CTNND2: variants seen among roughly 807,000 people sequenced by gnomAD.
CTNND2 encodes the protein catenin delta-2.
In CTNND2, 22 loss-of-function variants were observed where a neutral mutation model predicts 144.4. That is an observed-to-expected ratio of 0.15 (90% confidence interval 0.11 to 0.22). The LOEUF is 0.22. Among genes scored for constraint, CTNND2 ranks in the 10% least tolerant of loss-of-function variants. The pLI is 1.00. For synonymous variants in CTNND2, 751 were observed against 695.6 expected, an observed-to-expected ratio of 1.08 and a Z score of -1.25; for missense variants, 1,353 against 1,618.8, an observed-to-expected ratio of 0.84 and a Z score of 2.82.
At chr5:11,395,933 G>C (rs1472093067) in intron 6 of CTNND2, among the ~76,000 whole-genome samples, 1 of 152,192 alleles carries the variant, frequency 6.6e-6, no homozygotes, top group Non-Finnish European at 1.5e-5. Context: ...TGGCCTGCCA[G>C]GTGCTCCTGA....
intron 2 of CTNND2, among the ~76,000 whole-genome samples, chr5:11,608,447 C>A (rs576081719): frequency 7.2e-5 from 11 of 152,270 alleles, no homozygotes; most frequent in Admixed American, 4.6e-4. Flanking sequence ...CCACTCTCCA[C>A]CTTTCCTCTC....
At chr5:11,755,620 TAGG>T (rs1046073902) in intron 1 of CTNND2, among the ~76,000 whole-genome samples, 3 of 142,542 alleles carry the variant, frequency 2.1e-5, no homozygotes, top group Non-Finnish European at 4.6e-5. Flanking sequence ...CCCATATTTC[TAGG>T]AGTTTTTGTT....
chr5:11,036,156 G>A (rs17180017), intron 16 of CTNND2, among the ~76,000 whole-genome samples: 38,047 of 151,624 alleles, frequency 0.25, 5,292 homozygotes, highest in Admixed American at 0.37. Context: ...TGTTACTCTC[G>A]AGTCACTTTT....
At chr5:11,557,031 T>C (rs1431460939) in intron 3 of CTNND2, among the ~76,000 whole-genome samples, 1 of 152,154 alleles carries the variant, frequency 6.6e-6, no homozygotes, top group Non-Finnish European at 1.5e-5. Context: ...AATGCATGCA[T>C]ATATGCCTGA....
chr5:11,394,377 C>G (rs758751563), intron 6 of CTNND2, among the ~76,000 whole-genome samples: 1 of 152,094 alleles, frequency 6.6e-6, no homozygotes, highest in Admixed American at 6.5e-5. Context: ...CCTAGACACA[C>G]AAAGGTGAAG....
At chr5:11,084,268 T>C (rs1749902712) in intron 15 of CTNND2, among the ~76,000 whole-genome samples, 1 of 152,150 alleles carries the variant, frequency 6.6e-6, no homozygotes. Flanking sequence ...GGAACTGATA[T>C]CCCCTCCCAG....
intron 9 of CTNND2, among the ~76,000 whole-genome samples, chr5:11,339,724 G>A (rs1343831514): frequency 6.6e-6 from 1 of 152,144 alleles, no homozygotes; most frequent in African/African-American, 2.4e-5. Context: ...CCTTTTAAAA[G>A]AGACCCCACT....
intron 15 of CTNND2, among the ~76,000 whole-genome samples, chr5:11,087,115 A>C (rs1750239883): frequency 6.6e-6 from 1 of 152,218 alleles, no homozygotes. Context: ...AATTAGCCAT[A>C]TCCTCAGTTT....
chr5:11,530,249 C>T (rs1773621848), intron 3 of CTNND2, among the ~76,000 whole-genome samples: 1 of 151,964 alleles, frequency 6.6e-6, no homozygotes, highest in South Asian at 2.1e-4. Flanking sequence ...CAAAAGCTCC[C>T]TTTAGTAAAT....
chr5:11,350,780 A>G (rs537662046), intron 8 of CTNND2, among the ~76,000 whole-genome samples: 2 of 152,376 alleles, frequency 1.3e-5, no homozygotes, highest in East Asian at 1.9e-4. Context: ...AATGTATGAG[A>G]ATCTAATGGA....
intron 3 of CTNND2, among the ~76,000 whole-genome samples, chr5:11,418,795 A>T (rs1375833318): frequency 1.3e-5 from 2 of 152,256 alleles, no homozygotes; most frequent in African/African-American, 4.8e-5. Context: ...CCTCATATGA[A>T]CACTTATGGA....
chr5:11,746,559 G>A (rs190804632), intron 1 of CTNND2, among the ~76,000 whole-genome samples: 2 of 152,050 alleles, frequency 1.3e-5, no homozygotes, highest in East Asian at 1.9e-4. Flanking sequence ...TAAGCCATTC[G>A]GGATAAATTT....
chr5:11,720,373 A>G (rs1294803782), intron 2 of CTNND2, among the ~76,000 whole-genome samples: 1 of 152,186 alleles, frequency 6.6e-6, no homozygotes, highest in East Asian at 1.9e-4. Context: ...AAAGTTCCTC[A>G]AGTTTGTAAC....
At chr5:11,810,732 T>C (rs1055489025) in intron 1 of CTNND2, among the ~76,000 whole-genome samples, 1 of 152,172 alleles carries the variant, frequency 6.6e-6, no homozygotes, top group African/African-American at 2.4e-5. Flanking sequence ...TATACAGGTA[T>C]GCTATTGATT....
intron 16 of CTNND2, among the ~76,000 whole-genome samples, chr5:11,081,095 C>T (rs1749518612): frequency 6.6e-6 from 1 of 151,644 alleles, no homozygotes; most frequent in South Asian, 2.1e-4. Context: ...CACACACACA[C>T]ACACACACAC....
intron 16 of CTNND2, among the ~76,000 whole-genome samples, chr5:11,081,459 G>C (rs1468789448): frequency 6.6e-6 from 1 of 152,108 alleles, no homozygotes; most frequent in Non-Finnish European, 1.5e-5. Flanking sequence ...TCGGATTTTA[G>C]ATGTTTTCGG....
chr5:11,848,729 AG>A (rs1395147686), intron 1 of CTNND2, among the ~76,000 whole-genome samples: 1 of 152,132 alleles, frequency 6.6e-6, no homozygotes, highest in Admixed American at 6.6e-5. Context: ...CATAGCTCTG[AG>A]GGAGGCATAT....
intron 12 of CTNND2, among the ~76,000 whole-genome samples, chr5:11,159,368 A>T (rs1281760861): frequency 6.6e-6 from 1 of 152,260 alleles, no homozygotes; most frequent in African/African-American, 2.4e-5. Context: ...AGTAAGTCTA[A>T]CATTAATTAG....
intron 11 of CTNND2, among the ~76,000 whole-genome samples, chr5:11,189,719 T>G (rs1310033098): frequency 6.6e-6 from 1 of 152,172 alleles, no homozygotes; most frequent in Non-Finnish European, 1.5e-5. Flanking sequence ...AATTTTCAGC[T>G]CTAGGGGTTG....
Sources: allele counts gnomAD v4.1 joint callset (sites outside exome capture counted in the v4.1 genomes callset), GRCh38; gene constraint gnomAD v4.1.1; transcripts MANE v1.5; gene names NCBI Gene and HGNC (gene_info 2026-07-23, HGNC 2026-07-21).